IGF1R: variants seen among roughly 807,000 people sequenced by gnomAD.
The protein encoded by IGF1R is insulin like growth factor 1 receptor.
Under a neutral mutation model 144.6 loss-of-function variants are expected in IGF1R, and 44 were observed. That is an observed-to-expected ratio of 0.30 (90% CI 0.24 to 0.39). IGF1R has a LOEUF of 0.39. IGF1R is among the 10% of genes least tolerant of loss of function. The pLI is 1.00. For synonymous variants in IGF1R, 795 were observed against 722.8 expected, an observed-to-expected ratio of 1.10 and a Z score of -1.60; for missense variants, 1,355 against 1,833.7, an observed-to-expected ratio of 0.74 and a Z score of 4.77.
At chr15:98,814,340 T>TTGGATGGA (rs201082565) in intron 2 of IGF1R, among the ~76,000 whole-genome samples, 4 of 151,950 alleles carry the variant, frequency 2.6e-5, no homozygotes, top group South Asian at 2.1e-4. Flanking sequence ...CTTATATGAT[T>TTGGATGGA]TGGATGGATG....
At chr15:98,703,638 A>G (rs535755143) in intron 1 of IGF1R, among the ~76,000 whole-genome samples, 14 of 152,198 alleles carry the variant, frequency 9.2e-5, no homozygotes, top group Non-Finnish European at 1.9e-4. Flanking sequence ...AGTGTGAAGT[A>G]TGGAGACTGC....
chr15:98,923,062 A>G (rs1267988765), intron 11 of IGF1R, among the ~76,000 whole-genome samples: 1 of 152,130 alleles, frequency 6.6e-6, no homozygotes, highest in East Asian at 1.9e-4. Flanking sequence ...CAGTTCTGGC[A>G]CTGAAGTCCA....
At chr15:98,905,407 A>G (rs1157055453) in intron 5 of IGF1R, among the ~76,000 whole-genome samples, 1 of 152,148 alleles carries the variant, frequency 6.6e-6, no homozygotes, top group Non-Finnish European at 1.5e-5. Context: ...CTGTAATCCC[A>G]GCACTTTGGA....
At chr15:98,783,356 T>G (rs554586474) in intron 2 of IGF1R, among the ~76,000 whole-genome samples, 4 of 152,246 alleles carry the variant, frequency 2.6e-5, no homozygotes, top group Non-Finnish European at 5.9e-5. Context: ...ACCTGTTCTC[T>G]CTATATAAAA....
At chr15:98,718,791 G>A (rs1429477424) in intron 2 of IGF1R, among the ~76,000 whole-genome samples, 2 of 152,208 alleles carry the variant, frequency 1.3e-5, no homozygotes, top group East Asian at 1.9e-4. Context: ...AAGGAAAGAC[G>A]AAGGTTGATA....
rs528563342 is a variant in IGF1R at position 98,853,980 on chromosome 15, T to A, written c.641-37345T>A. Reference sequence around the variant, plus strand: ...TGGATTTCTCTCTGTTTTTTTCTCTTCCAGTTGTCTGTCTGTGCGCCCTCT... The same window carrying A: ...TGGATTTCTCTCTGTTTTTTTCTCTACCAGTTGTCTGTCTGTGCGCCCTCT... On this transcript the variant is annotated intron_variant, in intron 2 of 20. Transcript: ENST00000650285. Among the ~76,000 whole-genome samples the A allele has an allele frequency of 2.6e-5, 4 of 152,344 alleles. No individual in the cohort carries two copies. In the East Asian group the frequency reaches 7.7e-4, roughly 29 times the overall value.
chr15:98,918,723 C>CA (rs1054684862), intron 10 of IGF1R, among the ~76,000 whole-genome samples: 51 of 152,212 alleles, frequency 3.4e-4, no homozygotes, highest in African/African-American at 1.0e-3. Context: ...ACTAAAGATA[C>CA]AAAAAATTAG....
In IGF1R at chr15:98,916,354, C is replaced by G; in HGVS notation, c.1996+223C>G. ...ATGGCTCACTGCAATTTCTGCCTCCCAGGTTCAAGCATTTCTCATTCCCCA... is the reference window on the plus strand; with the variant it reads ...ATGGCTCACTGCAATTTCTGCCTCCGAGGTTCAAGCATTTCTCATTCCCCA... On this transcript the variant is annotated intron_variant, in intron 9 of 20. Coordinates refer to ENST00000650285, the MANE Select transcript of IGF1R (RefSeq NM_000875.5). 8.8e-6 allele frequency: 5 copies of G among 569,892 alleles called. No homozygotes were observed. In the South Asian group the frequency reaches 1.0e-4, roughly 12 times the overall value. 35.3% of individuals were successfully genotyped at this position (569,892 alleles called of 1,614,324 possible).
At chr15:98,900,613 C>T (rs2014432940) in intron 5 of IGF1R, 1 of 152,224 alleles carries the variant, frequency 6.6e-6, no homozygotes, top group Non-Finnish European at 1.5e-5. Flanking sequence ...GCTCTTCATT[C>T]CATCCTTGAA....
chr15:98,759,406 C>G (rs2055238469), intron 2 of IGF1R, among the ~76,000 whole-genome samples: 1 of 152,216 alleles, frequency 6.6e-6, no homozygotes, highest in Non-Finnish European at 1.5e-5. Context: ...TCTCATTTCT[C>G]AGGAAGTCAG....
chr15:98,664,480 C>T (rs2052678787), intron 1 of IGF1R, among the ~76,000 whole-genome samples: 1 of 152,176 alleles, frequency 6.6e-6, no homozygotes, highest in South Asian at 2.1e-4. Flanking sequence ...GCCTGGCTAA[C>T]ATGGTGAAAC....
At chr15:98,893,441 A>G (rs2014027020) in intron 3 of IGF1R, 1 of 152,224 alleles carries the variant, frequency 6.6e-6, no homozygotes, top group Non-Finnish European at 1.5e-5. Context: ...ATTACATCCA[A>G]AATCAGTCTA....
At chr15:98,910,215 T>C (rs2014948838) in intron 6 of IGF1R, among the ~76,000 whole-genome samples, 1 of 152,120 alleles carries the variant, frequency 6.6e-6, no homozygotes, top group African/African-American at 2.4e-5. Flanking sequence ...GCTCACTCTA[T>C]CCCTGCAAAG....
chr15:98,680,969 A>G (rs1054935601), intron 1 of IGF1R, among the ~76,000 whole-genome samples: 6 of 151,772 alleles, frequency 4.0e-5, no homozygotes, highest in Non-Finnish European at 5.9e-5. Context: ...AACTGCCTGC[A>G]GTATTCAGTG....
At chr15:98,666,479 A>G (rs536005418) in intron 1 of IGF1R, among the ~76,000 whole-genome samples, 75 of 152,290 alleles carry the variant, frequency 4.9e-4, no homozygotes, top group South Asian at 2.1e-3. Flanking sequence ...AGTGAAAGCA[A>G]CTCAAGGGTC....
chr15:98,734,217 A>C (rs531222161), intron 2 of IGF1R, among the ~76,000 whole-genome samples: 1 of 152,320 alleles, frequency 6.6e-6, no homozygotes, highest in South Asian at 2.1e-4. Context: ...AACTGGGCAT[A>C]ATACCAGGTA....
chr15:98,826,228 G>A (rs940950913), intron 2 of IGF1R, among the ~76,000 whole-genome samples: 3 of 152,210 alleles, frequency 2.0e-5, no homozygotes, highest in African/African-American at 4.8e-5. Context: ...ATGTGCATAC[G>A]CTGAAATAAT....
intron 1 of IGF1R, among the ~76,000 whole-genome samples, chr15:98,655,644 T>TAA (rs532301174): frequency 0.017 from 2,549 of 147,378 alleles, 73 homozygotes; most frequent in African/African-American, 0.06. Flanking sequence ...CCATGTTTAT[T>TAA]AAAAAAAAAA....
intron 2 of IGF1R, among the ~76,000 whole-genome samples, chr15:98,765,386 G>A (rs1389003580): frequency 1.5e-5 from 2 of 130,474 alleles, no homozygotes; most frequent in Admixed American, 9.9e-5. Flanking sequence ...TTGGTTCACT[G>A]CAACCTCTGC....
Sources: allele counts gnomAD v4.1 joint callset (sites outside exome capture counted in the v4.1 genomes callset), GRCh38; gene constraint gnomAD v4.1.1; transcripts MANE v1.5; gene names NCBI Gene and HGNC (gene_info 2026-07-23, HGNC 2026-07-21).